Variants in CPPED1 observed in about 807,000 individuals in gnomAD.
CPPED1 encodes calcineurin like phosphoesterase domain containing 1.
In CPPED1, 28 loss-of-function variants were observed where a neutral mutation model predicts 28.0. The observed-to-expected ratio is 1.00, with a 90% CI of 0.74 to 1.37. CPPED1 has a LOEUF of 1.37. CPPED1 is among the 40% of genes most tolerant of loss of function. CPPED1 has a pLI of 0.00. For synonymous variants in CPPED1, 198 were observed against 180.2 expected, an observed-to-expected ratio of 1.10 and a Z score of -0.79; for missense variants, 504 against 416.5, an observed-to-expected ratio of 1.21 and a Z score of -1.83.
intron 2 of CPPED1, among the ~76,000 whole-genome samples, chr16:12,734,734 T>G (rs1359517598): frequency 1.3e-5 from 2 of 152,184 alleles, no homozygotes; most frequent in African/African-American, 4.8e-5. Context: ...CACTCCCCTA[T>G]GAGTCTACAG....
At chr16:12,791,179 T>C (rs193191284) in intron 1 of CPPED1, among the ~76,000 whole-genome samples, 21 of 152,144 alleles carry the variant, frequency 1.4e-4, no homozygotes, top group Non-Finnish European at 1.5e-5. Context: ...AAGCCCCGCA[T>C]GCATTAGGTA....
chr16:12,679,636 G>A (rs1026820490), intron 3 of CPPED1, among the ~76,000 whole-genome samples: 2 of 152,164 alleles, frequency 1.3e-5, no homozygotes, highest in African/African-American at 2.4e-5. Context: ...ATTCGACAAT[G>A]TATCTTTTAC....
intron 2 of CPPED1, among the ~76,000 whole-genome samples, chr16:12,721,337 A>C (rs551700874): frequency 1.3e-5 from 2 of 152,370 alleles, no homozygotes; most frequent in South Asian, 4.1e-4. Context: ...GTACCAAGGA[A>C]TATAACCCGG....
At chr16:12,674,815 G>A (rs2141168795) in intron 3 of CPPED1, among the ~76,000 whole-genome samples, 1 of 152,290 alleles carries the variant, frequency 6.6e-6, no homozygotes, top group East Asian at 1.9e-4. Flanking sequence ...ACTGACCTCT[G>A]TGAGTTGGCA....
intron 1 of CPPED1, among the ~76,000 whole-genome samples, chr16:12,803,479 G>A (rs1431652289): frequency 6.6e-6 from 1 of 152,172 alleles, no homozygotes; most frequent in Non-Finnish European, 1.5e-5. Flanking sequence ...GGGAAGTTAG[G>A]TCAAGGCCAA....
intron 1 of CPPED1, among the ~76,000 whole-genome samples, chr16:12,792,800 C>T (rs1162304201): frequency 6.6e-6 from 1 of 152,192 alleles, no homozygotes; most frequent in Non-Finnish European, 1.5e-5. Context: ...TGCCTTTGCT[C>T]TTCCTTTGTC....
intron 3 of CPPED1, among the ~76,000 whole-genome samples, chr16:12,672,463 G>A (rs949356972): frequency 6.6e-6 from 1 of 152,176 alleles, no homozygotes; most frequent in African/African-American, 2.4e-5. Flanking sequence ...ACATGTACTG[G>A]CACCAAAAGG....
At chr16:12,772,152 A>C (rs576425410) in intron 2 of CPPED1, among the ~76,000 whole-genome samples, 49 of 152,120 alleles carry the variant, frequency 3.2e-4, no homozygotes, top group Admixed American at 1.4e-3. Flanking sequence ...ACAAAAAAAA[A>C]CAAAATTCCT....
chr16:12,693,525 T>C (rs766921174), intron 3 of CPPED1, among the ~76,000 whole-genome samples: 5 of 152,096 alleles, frequency 3.3e-5, no homozygotes, highest in Non-Finnish European at 5.9e-5. Context: ...TTCAACTCAA[T>C]CAATTCATAT....
intron 3 of CPPED1, among the ~76,000 whole-genome samples, chr16:12,673,686 C>T (rs1006011656): frequency 1.3e-5 from 2 of 152,062 alleles, no homozygotes; most frequent in South Asian, 2.1e-4. Flanking sequence ...TGTTAACGTC[C>T]GAAGTCACAG....
chr16:12,761,850 A>T (rs1317126368), intron 2 of CPPED1, among the ~76,000 whole-genome samples: 1 of 152,178 alleles, frequency 6.6e-6, no homozygotes, highest in Non-Finnish European at 1.5e-5. Context: ...ACCTCTACTA[A>T]AAATACAAAA....
chr16:12,802,565 C>A (rs1382144690), intron 1 of CPPED1, among the ~76,000 whole-genome samples: 1 of 152,194 alleles, frequency 6.6e-6, no homozygotes, highest in Non-Finnish European at 1.5e-5. Context: ...CGTGCCACTG[C>A]ACTCCAGCCT....
intron 2 of CPPED1, among the ~76,000 whole-genome samples, chr16:12,765,510 G>GA (rs1278113570): frequency 2.6e-4 from 40 of 151,704 alleles, no homozygotes; most frequent in Non-Finnish European, 4.1e-4. Flanking sequence ...GTGCTTTCGG[G>GA]AAAAAAAACA....
At chr16:12,716,375 C>T (rs8050225) in intron 2 of CPPED1, among the ~76,000 whole-genome samples, 7,291 of 152,292 alleles carry the variant, frequency 0.048, 606 homozygotes, top group African/African-American at 0.17. Flanking sequence ...AATGTGATAT[C>T]CAGGGACGAA....
chr16:12,731,148 A>C (rs1248092617), intron 2 of CPPED1, among the ~76,000 whole-genome samples: 1 of 131,656 alleles, frequency 7.6e-6, no homozygotes, highest in Non-Finnish European at 1.6e-5. Context: ...TCTCTTCAAA[A>C]AAAAAAATTT....
At chr16:12,793,993 C>T (rs939372200) in intron 1 of CPPED1, among the ~76,000 whole-genome samples, 13 of 152,064 alleles carry the variant, frequency 8.5e-5, no homozygotes, top group African/African-American at 2.4e-4. Flanking sequence ...TAAATGTCTC[C>T]AGCAATACCC....
Position 12,662,830 on chromosome 16 carries a change from GTTCTT to G in CPPED1, c.*2051_*2055del. The G allele has an allele frequency of 6.6e-6, 1 of 152,072 alleles. No homozygotes were observed. Among genetic ancestry groups the G allele is most frequent in the African/African-American group, 2.4e-5 (1 of 41,400 alleles). 9.4% of individuals were successfully genotyped at this position (152,072 alleles called of 1,614,324 possible). On this transcript the variant is annotated 3_prime_UTR_variant, in exon 4 of 4. Coordinates refer to ENST00000381774, the MANE Select transcript of CPPED1 (RefSeq NM_018340.3). Reference sequence around the variant, plus strand: ...ATATTCTTGGGGTACTTTTGAATCAGTTCTTTTAAGTTTTTGGGGAAGGAGATTTG... The same window carrying G: ...ATATTCTTGGGGTACTTTTGAATCAGTTAAGTTTTTGGGGAAGGAGATTTG...
At chr16:12,729,823 T>G (rs2080188310) in intron 2 of CPPED1, among the ~76,000 whole-genome samples, 1 of 152,184 alleles carries the variant, frequency 6.6e-6, no homozygotes, top group Admixed American at 6.5e-5. Context: ...ATTTGGAAAC[T>G]GGAAAGTACA....
At chr16:12,759,164 A>T (rs1381340915) in intron 2 of CPPED1, 1 of 26,040 alleles carries the variant, frequency 3.8e-5, no homozygotes, top group African/African-American at 1.0e-4. Context: ...CTCTGTCTCT[A>T]AAAAAAAAAA....
Sources: gnomAD v4.1 joint callset for allele counts (sites outside exome capture counted in the v4.1 genomes callset) on GRCh38, gnomAD v4.1.1 for gene constraint, MANE v1.5 for transcripts, NCBI Gene and HGNC (gene_info 2026-07-23, HGNC 2026-07-21) for gene names.